DCLK2: variants seen among roughly 807,000 people sequenced by gnomAD.
DCLK2 encodes the protein doublecortin like kinase 2.
A neutral mutation model predicts 78.4 loss-of-function variants in DCLK2; 31 were observed. The observed-to-expected ratio is 0.40, with a 90% CI of 0.30 to 0.53. The LOEUF (loss-of-function observed/expected upper bound fraction) is 0.53. Ranked by LOEUF, DCLK2 falls within the 20% of genes least tolerant of loss-of-function variation. The pLI is 0.61. For synonymous variants in DCLK2, 407 were observed against 374.9 expected (o/e 1.09, Z -0.99); for missense variants, 872 against 973.7 (o/e 0.90, Z 1.39).
chr4:150,096,893 G>A (rs747002464), intron 1 of DCLK2, among the ~76,000 whole-genome samples: 20 of 152,172 alleles, frequency 1.3e-4, no homozygotes, highest in Admixed American at 3.3e-4. Context: ...ATTAGGTAGA[G>A]TAGAGTGAAT....
At chr4:150,216,189 CA>C (rs1258528807) in intron 5 of DCLK2, among the ~76,000 whole-genome samples, 4 of 152,162 alleles carry the variant, frequency 2.6e-5, no homozygotes, top group Non-Finnish European at 5.9e-5. Flanking sequence ...AGAAGTTTAC[CA>C]TAGGACCCTC....
At chr4:150,085,654 A>C (rs999889435) in intron 1 of DCLK2, among the ~76,000 whole-genome samples, 2 of 152,174 alleles carry the variant, frequency 1.3e-5, no homozygotes, top group African/African-American at 4.8e-5. Flanking sequence ...CAGAGACTTC[A>C]TAGGCTGGAT....
In DCLK2 at chr4:150,193,423, T is replaced by TA. The variant is rs111974577; in HGVS notation, c.859+190dup. On this transcript the variant is annotated intron_variant, in intron 3 of 15. Coordinates refer to ENST00000296550, the MANE Select transcript of DCLK2 (RefSeq NM_001040260.4). ...TAACATGAAAGCATTTGCCTACTTA[T>TA]AAAAAAAGAAAGAAAGAAAAAGAAA... Among the ~76,000 whole-genome samples, 1,296 of 152,154 alleles carry TA rather than the reference T, an allele frequency of 8.5e-3. 22 individuals carry two copies. The highest frequency in any genetic ancestry group is 0.029 in the African/African-American group (1,214 of 41,462).
chr4:150,112,712 T>C (rs1731777667), intron 2 of DCLK2, among the ~76,000 whole-genome samples: 2 of 152,160 alleles, frequency 1.3e-5, no homozygotes, highest in South Asian at 4.1e-4. Flanking sequence ...TTTTTAATTC[T>C]GTTTATGTGA....
intron 2 of DCLK2, among the ~76,000 whole-genome samples, chr4:150,105,872 A>AT (rs920390318): frequency 6.6e-6 from 1 of 151,998 alleles, no homozygotes; most frequent in Non-Finnish European, 1.5e-5. Context: ...CAGCAGAAGT[A>AT]TTTTTTTAAA....
At chr4:150,185,919 G>A (rs566010908) in intron 2 of DCLK2, among the ~76,000 whole-genome samples, 39 of 152,118 alleles carry the variant, frequency 2.6e-4, no homozygotes, top group African/African-American at 7.7e-4. Context: ...TTTTAAAGTC[G>A]CCCTCATTCA....
chr4:150,240,776 A>AG (rs1429518299), intron 12 of DCLK2, among the ~76,000 whole-genome samples: 7 of 151,228 alleles, frequency 4.6e-5, no homozygotes, highest in Non-Finnish European at 1.5e-5. Context: ...AAAGAAAAAA[A>AG]AAAATCAGAA....
In DCLK2 at chr4:150,233,211, G is replaced by A. The variant is rs185317740; in HGVS notation, c.1566+383G>A. Among the ~76,000 whole-genome samples the A allele has an allele frequency of 1.7e-3, 254 of 152,228 alleles. 3 individuals carry two copies. The highest frequency in any genetic ancestry group is 5.6e-3 in the African/African-American group (234 of 41,546). ...CATGGTGGCAGGAGAGAAAGAGAGC[G>A]AGGAGGGAAGTGCCACACATTTTTA... is the stretch of plus-strand genomic sequence containing the variant. On this transcript the variant is annotated intron_variant, in intron 10 of 15. Coordinates refer to ENST00000296550, the MANE Select transcript of DCLK2 (RefSeq NM_001040260.4).
chr4:150,209,159 C>A (rs568565309), intron 5 of DCLK2, among the ~76,000 whole-genome samples: 1 of 152,338 alleles, frequency 6.6e-6, no homozygotes, highest in East Asian at 1.9e-4. Flanking sequence ...CTAACGCCAT[C>A]CAGCAGGTCC....
intron 2 of DCLK2, among the ~76,000 whole-genome samples, chr4:150,106,643 A>G (rs1398914715): frequency 6.6e-6 from 1 of 152,244 alleles, no homozygotes; most frequent in Non-Finnish European, 1.5e-5. Flanking sequence ...GCAATTCACC[A>G]TGAACAGTCA....
intron 2 of DCLK2, among the ~76,000 whole-genome samples, chr4:150,107,805 G>C (rs1731381479): frequency 6.6e-6 from 1 of 152,094 alleles, no homozygotes; most frequent in Non-Finnish European, 1.5e-5. Context: ...ACTGAGAATT[G>C]AAAGTGAAGT....
chr4:150,134,837 T>A (rs1164928800), intron 2 of DCLK2, among the ~76,000 whole-genome samples: 1 of 151,954 alleles, frequency 6.6e-6, no homozygotes, highest in East Asian at 1.9e-4. Flanking sequence ...GTTGTTGTTG[T>A]TTGTTTGTTT....
chr4:150,168,276 G>A (rs1736255903), intron 2 of DCLK2, among the ~76,000 whole-genome samples: 1 of 151,798 alleles, frequency 6.6e-6, no homozygotes, highest in Non-Finnish European at 1.5e-5. Flanking sequence ...AAACCCGGCA[G>A]GCAGAGCTTG....
intron 2 of DCLK2, among the ~76,000 whole-genome samples, chr4:150,165,130 A>G (rs1016087430): frequency 6.6e-6 from 1 of 152,246 alleles, no homozygotes; most frequent in African/African-American, 2.4e-5. Context: ...TAATGATGGA[A>G]TATACCTTCG....
At chr4:150,211,240 A>C (rs1022053414) in intron 5 of DCLK2, among the ~76,000 whole-genome samples, 1 of 152,124 alleles carries the variant, frequency 6.6e-6, no homozygotes, top group Non-Finnish European at 1.5e-5. Context: ...GTTACTCGCC[A>C]TGTGGACCTC....
At chr4:150,111,155 G>A (rs1335924334) in intron 2 of DCLK2, among the ~76,000 whole-genome samples, 1 of 150,924 alleles carries the variant, frequency 6.6e-6, no homozygotes, top group African/African-American at 2.4e-5. Flanking sequence ...ATTTTTTTTT[G>A]ACTTTTTAAT....
chr4:150,161,962 G>T (rs947091101), intron 2 of DCLK2, among the ~76,000 whole-genome samples: 1 of 152,098 alleles, frequency 6.6e-6, no homozygotes, highest in Non-Finnish European at 1.5e-5. Flanking sequence ...TCAGACCTCA[G>T]CAGAGTCATG....
At chr4:150,112,802 A>G (rs1731785715) in intron 2 of DCLK2, among the ~76,000 whole-genome samples, 1 of 146,084 alleles carries the variant, frequency 6.8e-6, no homozygotes, top group Non-Finnish European at 1.5e-5. Context: ...ATGGTGAATT[A>G]TCTTTTTCTT....
At chr4:150,211,616 T>A (rs1435786533) in intron 5 of DCLK2, among the ~76,000 whole-genome samples, 1 of 152,162 alleles carries the variant, frequency 6.6e-6, no homozygotes, top group African/African-American at 2.4e-5. Flanking sequence ...TCCATCCTCT[T>A]TTTTGAGGGC....
Sources: gnomAD v4.1 joint callset for allele counts (sites outside exome capture counted in the v4.1 genomes callset) on GRCh38, gnomAD v4.1.1 for gene constraint, MANE v1.5 for transcripts, NCBI Gene and HGNC (gene_info 2026-07-23, HGNC 2026-07-21) for gene names.